CDS2: variants seen among roughly 807,000 people sequenced by gnomAD.
The protein encoded by CDS2 is CDP-diacylglycerol synthase 2.
Under a neutral mutation model 59.0 loss-of-function variants are expected in CDS2, and 47 were observed. The ratio of observed to expected loss-of-function variants is 0.80; its 90% CI spans 0.63 to 1.02. CDS2 has a LOEUF of 1.02. Among genes scored for constraint, CDS2 ranks in the 50% least tolerant of loss-of-function variants. The pLI is 0.00. For missense variants in CDS2, 356 were observed against 558.9 expected (o/e 0.64, Z 3.66); for synonymous variants, 207 against 206.4 (o/e 1.00, Z -0.02).
rs774854907 is a variant in CDS2 at position 5,175,286 on chromosome 20, G to T, written c.291+7G>T. The T allele has an allele frequency of 1.2e-6, 2 of 1,607,116 alleles. No homozygotes were observed. The highest frequency in any genetic ancestry group is 2.2e-5 in the East Asian group (1 of 44,836). On this transcript the variant is annotated splice_region_variant and intron_variant, in intron 3 of 12. Transcript: ENST00000460006. ...AATGGTTTTGATGATAATCGTAAGT[G>T]CCATTTCACACTATTTTAGTTTTCC...
intron 8 of CDS2, among the ~76,000 whole-genome samples, chr20:5,185,531 G>A (rs565145556): frequency 5.8e-4 from 89 of 152,200 alleles, no homozygotes; most frequent in Non-Finnish European, 1.0e-3. Context: ...TTAGTATATC[G>A]TTTTCTAATA....
At chr20:5,185,236 C>G (rs897037560) in intron 8 of CDS2, among the ~76,000 whole-genome samples, 6 of 152,174 alleles carry the variant, frequency 3.9e-5, no homozygotes, top group South Asian at 2.1e-4. Flanking sequence ...GCCTGGGGAA[C>G]TTAGTGAGGC....
chr20:5,165,809 G>A (rs138923643), intron 1 of CDS2, among the ~76,000 whole-genome samples: 8 of 152,320 alleles, frequency 5.3e-5, no homozygotes, highest in African/African-American at 1.9e-4. Flanking sequence ...AAATTTGCTG[G>A]AAGAGAAGTG....
intron 1 of CDS2, among the ~76,000 whole-genome samples, chr20:5,159,467 T>A (rs2090860001): frequency 6.6e-6 from 1 of 152,108 alleles, no homozygotes; most frequent in Admixed American, 6.5e-5. Flanking sequence ...TATAGTTCAG[T>A]AATTTAAAAG....
At position 5,181,993 on chromosome 20, in the gene CDS2, T is replaced by C. The variant is rs562950827; in HGVS notation, c.530-394T>C. On this transcript the variant is annotated intron_variant, in intron 5 of 12. Transcript: ENST00000460006. ...CATGACTGTACTCAGTTCTGCTGAG[T>C]TGTAGCTTGAAAGCAGCCATAGACA... Among the ~76,000 whole-genome samples, 190 of 152,314 alleles carry C rather than the reference T, an allele frequency of 1.2e-3. 5 individuals carry two copies. In the Middle Eastern group the frequency reaches 0.02, roughly 16 times the overall value.
intron 1 of CDS2, among the ~76,000 whole-genome samples, chr20:5,129,697 T>G (rs1465966979): frequency 6.6e-6 from 1 of 151,936 alleles, no homozygotes; most frequent in African/African-American, 2.4e-5. Flanking sequence ...CCGCCTCAGC[T>G]TCCCAAAGTG....
intron 1 of CDS2, among the ~76,000 whole-genome samples, chr20:5,164,199 A>T (rs1044334742): frequency 6.6e-6 from 1 of 152,080 alleles, no homozygotes; most frequent in African/African-American, 2.4e-5. Flanking sequence ...GTTACAGTCT[A>T]TTTGATTGGT....
At chr20:5,189,245 T>C in intron 11 of CDS2, 59 bp downstream of exon 11, 2 of 1,602,496 alleles carry the variant, frequency 1.2e-6, no homozygotes, top group Non-Finnish European at 1.7e-6. Context: ...TCTGCCTTTC[T>C]CCCCCTTCCC....
intron 1 of CDS2, among the ~76,000 whole-genome samples, chr20:5,163,510 C>T (rs2090890730): frequency 6.6e-6 from 1 of 151,196 alleles, no homozygotes; most frequent in Non-Finnish European, 1.5e-5. Context: ...ATCCACCCGC[C>T]TCGGCCTCCC....
In CDS2 at chr20:5,127,073, G is replaced by T. The variant is rs2122927909; in HGVS notation, c.-20G>T. 1 of 1,488,696 alleles carries T rather than the reference G, an allele frequency of 6.7e-7. No homozygotes were observed. Among genetic ancestry groups the T allele is most frequent in the African/African-American group, 1.5e-5 (1 of 67,708 alleles). 92.2% of individuals were successfully genotyped at this position (1,488,696 alleles called of 1,614,324 possible). On this transcript the variant is annotated 5_prime_UTR_variant, in exon 1 of 13. Transcript: ENST00000460006. ...GGCTTCGCTGCTAGCTCGCGGCGAC[G>T]TCGGGCCGATTTTCCCAGGATGACA... is the stretch of plus-strand genomic sequence containing the variant.
chr20:5,158,024 AGTTTTTT>A (rs1369438349), intron 1 of CDS2, among the ~76,000 whole-genome samples: 1 of 151,904 alleles, frequency 6.6e-6, no homozygotes, highest in Non-Finnish European at 1.5e-5. Context: ...AAACATTATG[AGTTTTTT>A]GTTTTTTGTT....
intron 1 of CDS2, among the ~76,000 whole-genome samples, chr20:5,130,952 G>A (rs1238810208): frequency 2.6e-5 from 4 of 152,032 alleles, no homozygotes; most frequent in Admixed American, 1.3e-4. Context: ...TTAGCCGGGC[G>A]TGGTGGTGGG....
At chr20:5,149,074 G>A (rs1427882816) in intron 1 of CDS2, among the ~76,000 whole-genome samples, 3 of 151,840 alleles carry the variant, frequency 2.0e-5, no homozygotes, top group African/African-American at 7.3e-5. Context: ...GCAGTGGCAC[G>A]ATCATGGCTC....
chr20:5,136,826 G>GTA, intron 1 of CDS2, among the ~76,000 whole-genome samples: 1 of 152,216 alleles, frequency 6.6e-6, no homozygotes, highest in East Asian at 1.9e-4. Context: ...GGATACATGT[G>GTA]CAGGTTTGGT....
chr20:5,151,750 C>CTTTCT (rs2090791804), intron 1 of CDS2, among the ~76,000 whole-genome samples: 24 of 53,178 alleles, frequency 4.5e-4, no homozygotes, highest in Non-Finnish European at 1.8e-4. Flanking sequence ...GACTCCATGT[C>CTTTCT]TTTTTTTTTT....
intron 1 of CDS2, among the ~76,000 whole-genome samples, chr20:5,163,787 CTTTCT>C (rs781364390): frequency 6.9e-5 from 8 of 115,886 alleles, no homozygotes; most frequent in African/African-American, 1.0e-4. Flanking sequence ...TAATTTCTTT[CTTTCT>C]TTTTTTTTTT....
chr20:5,189,268 A>G, intron 11 of CDS2, 82 bp downstream of exon 11: 1 of 1,519,074 alleles, frequency 6.6e-7, no homozygotes, highest in Non-Finnish European at 9.1e-7. Flanking sequence ...CCCCCTCCAA[A>G]ATACTAGGCT....
chr20:5,137,146 T>A (rs777893663), intron 1 of CDS2, among the ~76,000 whole-genome samples: 1 of 151,906 alleles, frequency 6.6e-6, no homozygotes, highest in Non-Finnish European at 1.5e-5. Context: ...CTCTCTTAAC[T>A]GGCCTTTCTC....
intron 1 of CDS2, among the ~76,000 whole-genome samples, chr20:5,165,310 C>T (rs188159820): frequency 1.3e-5 from 2 of 152,294 alleles, no homozygotes; most frequent in Middle Eastern, 3.4e-3. Context: ...AATGCCTCCT[C>T]TAGTGCTACT....
Sources: allele counts gnomAD v4.1 joint callset (sites outside exome capture counted in the v4.1 genomes callset), GRCh38; gene constraint gnomAD v4.1.1; transcripts MANE v1.5; gene names NCBI Gene and HGNC (gene_info 2026-07-23, HGNC 2026-07-21).